The following NXT1 variants were observed in gnomAD, a reference collection of about 807,000 sequenced individuals.
NXT1 encodes the protein NTF2-related export protein 1.
A neutral mutation model predicts 9.9 loss-of-function variants in NXT1; 3 were observed. That is an observed-to-expected ratio of 0.30 (90% CI 0.14 to 0.79). NXT1 has a LOEUF of 0.79. Ranked by LOEUF, NXT1 falls within the 30% of genes least tolerant of loss-of-function variation. NXT1 has a pLI of 0.63. For missense variants in NXT1, 91 were observed against 178.2 expected (o/e 0.51, Z 2.79); for synonymous variants, 53 against 66.5 (o/e 0.80, Z 0.99).
Position 23,354,275 on chromosome 20 carries a change from G to C in NXT1, c.234G>C (p.Gln78His), listed in dbSNP as rs1186968195. 1.2e-6 allele frequency: 2 copies of C among 1,614,196 alleles called. No homozygotes were observed. The highest frequency in any genetic ancestry group is 1.7e-6 in the Non-Finnish European group (2 of 1,180,042). The change falls in exon 2 of 2, where the codon CAG becomes CAC. Residue 78 changes from glutamine (Q) to histidine (H), a missense_variant. Physicochemically the swap from Gln to His is conservative, Grantham distance 24. Transcript: ENST00000254998. ...SEFQISVVDC[Q>H]PVHDEATPSQ... ...TCCAAATCAGCGTGGTAGACTGCCA[G>C]CCTGTTCATGATGAAGCCACACCAA...
intron 1 of NXT1, among the ~76,000 whole-genome samples, chr20:23,353,416 T>C (rs1443059557): frequency 1.3e-5 from 2 of 152,188 alleles, no homozygotes; most frequent in Non-Finnish European, 2.9e-5. Context: ...GGTCAGGAGT[T>C]TGAGACCAGA....
At position 23,354,253 on chromosome 20, in the gene NXT1, A is replaced by C. The variant is rs1234577574; in HGVS notation, c.212A>C (p.Gln71Pro). ...GAAATGTTGCCTTCCAGCGAGTTCC[A>C]AATCAGCGTGGTAGACTGCCAGCCT... ...FFEMLPSSEFQISVVDCQPVH... is the reference protein window; with the variant it reads ...FFEMLPSSEFPISVVDCQPVH... The change falls in exon 2 of 2, where the codon CAA (glutamine) becomes CCA (proline). Residue 71 changes from glutamine to proline, a missense_variant. By Grantham distance (76) the Gln-to-Pro change is moderately conservative (BLOSUM62 -1). Coordinates refer to ENST00000254998, the MANE Select transcript of NXT1 (RefSeq NM_013248.3). 1 of 1,614,188 alleles carries C rather than the reference A, an allele frequency of 6.2e-7. No homozygotes were observed.
intron 1 of NXT1, among the ~76,000 whole-genome samples, chr20:23,351,989 G>T (rs1316461727): frequency 6.6e-6 from 1 of 152,168 alleles, no homozygotes; most frequent in Admixed American, 6.5e-5. Flanking sequence ...GCGTGGGGTG[G>T]ATTCAACCAA....
intron 1 of NXT1, among the ~76,000 whole-genome samples, chr20:23,351,970 G>T (rs1045231452): frequency 7.9e-5 from 12 of 152,168 alleles, no homozygotes; most frequent in Admixed American, 5.9e-4. Context: ...CTTCTTAGTC[G>T]TGGGTTCCGC....
In NXT1 at chr20:23,354,133, G is replaced by A; in HGVS notation, c.92G>A (p.Arg31Gln). 1 of 1,614,134 alleles carries A rather than the reference G, an allele frequency of 6.2e-7. No individual in the cohort carries two copies. Residue 31 changes from arginine (R) to glutamine (Q), a missense_variant, in exon 2 of 2, where the codon CGG becomes CAG. Arg to Gln is a conservative substitution (Grantham distance 43). Coordinates refer to ENST00000254998, the MANE Select transcript of NXT1 (RefSeq NM_013248.3). Reference sequence around the variant, plus strand: ...GTCTACTACACCACCATGGATAAGCGGCGGCGTTTGCTGTCCCGCCTGTAC... The same window carrying A: ...GTCTACTACACCACCATGGATAAGCAGCGGCGTTTGCTGTCCCGCCTGTAC... ...VNVYYTTMDK[R>Q]RRLLSRLYMG...
At position 23,354,231 on chromosome 20, in the gene NXT1, A is replaced by G; in HGVS notation, c.190A>G (p.Met64Val). 6.2e-7 allele frequency: 1 copy of G among 1,614,178 alleles called. No homozygotes were observed. Among genetic ancestry groups the G allele is most frequent in the South Asian group, 1.1e-5 (1 of 91,086 alleles). The change falls in exon 2 of 2, where the codon ATG becomes GTG. Residue 64 changes from methionine to valine, a missense_variant. By Grantham distance (21) the Met-to-Val change is conservative. Transcript: ENST00000254998. ...AGAATCCTTGAGTGAGTTTTTTGAAATGTTGCCTTCCAGCGAGTTCCAAAT... is the reference window on the plus strand; with the variant it reads ...AGAATCCTTGAGTGAGTTTTTTGAAGTGTTGCCTTCCAGCGAGTTCCAAAT... Reference protein sequence around the residue: ...GQESLSEFFEMLPSSEFQISV... With the variant: ...GQESLSEFFEVLPSSEFQISV...
chr20:23,352,665 C>T (rs1274140023), intron 1 of NXT1, among the ~76,000 whole-genome samples: 8 of 151,906 alleles, frequency 5.3e-5, no homozygotes, highest in African/African-American at 1.9e-4. Flanking sequence ...AACAGTTGTA[C>T]CTGTACCCTG....
At chr20:23,353,913 G>A (rs759039035) in intron 1 of NXT1, 68 bp from the exon 2 acceptor site, 46 of 867,976 alleles carry the variant, frequency 5.3e-5, no homozygotes, top group Non-Finnish European at 7.9e-5. Flanking sequence ...AAGGAGGAAT[G>A]TTCCATTGTC....
rs933581339 is a variant in NXT1, at chr20:23,354,769, C to T, written c.*305C>T. Reference sequence around the variant, plus strand: ...TAATTTAATAATACACATGTTGCTTCTTTCCCTGTCTGATGTGTTTGACCA... The same window carrying T: ...TAATTTAATAATACACATGTTGCTTTTTTCCCTGTCTGATGTGTTTGACCA... On this transcript the variant is annotated 3_prime_UTR_variant, in exon 2 of 2. Coordinates refer to ENST00000254998, the MANE Select transcript of NXT1 (RefSeq NM_013248.3). 2.8e-6 allele frequency: 1 copy of T among 355,100 alleles called. No individual in the cohort carries two copies. Among genetic ancestry groups the T allele is most frequent in the Non-Finnish European group, 5.4e-6 (1 of 184,196 alleles). The allele number at this position is 355,100 out of a possible 1,614,324, so 22.0% of individuals were successfully genotyped here.
rs750903220 is a variant in NXT1, at chr20:23,354,466, G to T, written c.*2G>T. The T allele has an allele frequency of 1.2e-6, 2 of 1,609,166 alleles. No homozygotes were observed. The highest frequency in any genetic ancestry group is 2.3e-5 in the East Asian group (1 of 44,390). ...CGCTTCCAGGACTGGGCCAGCTAGT[G>T]GGGGTGGCAGAGGTCTCTTTGCTTC... On this transcript the variant is annotated 3_prime_UTR_variant, in exon 2 of 2. Coordinates refer to ENST00000254998, the MANE Select transcript of NXT1 (RefSeq NM_013248.3).
chr20:23,352,113 A>C (rs1036424926), intron 1 of NXT1, among the ~76,000 whole-genome samples: 5 of 152,200 alleles, frequency 3.3e-5, no homozygotes, highest in Admixed American at 6.5e-5. Context: ...AACTATTTAC[A>C]TCCCATCTAC....
chr20:23,353,236 C>A (rs2122996426), intron 1 of NXT1, among the ~76,000 whole-genome samples: 1 of 152,324 alleles, frequency 6.6e-6, no homozygotes, highest in Middle Eastern at 3.4e-3. Context: ...GTGGTCCAAT[C>A]AGGCCTCCTT....
At chr20:23,353,353 C>T (rs1480671372) in intron 1 of NXT1, among the ~76,000 whole-genome samples, 1 of 152,242 alleles carries the variant, frequency 6.6e-6, no homozygotes, top group East Asian at 1.9e-4. Flanking sequence ...GGCATGGTGG[C>T]TCATGCCTGT....
intron 1 of NXT1, 63 bp from the exon 2 acceptor site, chr20:23,353,918 A>C: frequency 2.2e-6 from 2 of 907,074 alleles, no homozygotes; most frequent in South Asian, 3.2e-5. Context: ...GGAATGTTCC[A>C]TTGTCAGGGC....
chr20:23,354,346 A>T lies in NXT1; in HGVS notation c.305A>T (p.Glu102Val). ...LVVICGSVKF[E>V]GNKQRDFNQN... ...GTCATCTGTGGATCAGTGAAGTTTG[A>T]GGGGAACAAACAACGGGACTTCAAC... The change falls in exon 2 of 2, where the codon GAG becomes GTG. Residue 102 changes from glutamate to valine, a missense_variant. Coordinates refer to ENST00000254998, the MANE Select transcript of NXT1 (RefSeq NM_013248.3). The T allele has an allele frequency of 6.2e-7, 1 of 1,614,164 alleles. No individual in the cohort carries two copies. Among genetic ancestry groups the T allele is most frequent in the South Asian group, 1.1e-5 (1 of 91,080 alleles).
chr20:23,354,410 C>T lies in NXT1; in HGVS notation c.369C>T (p.Asn123=), dbSNP rs752356769. Reference sequence around the variant, plus strand: ...TGACCGCCCAGGCCTCACCCAGCAACACAGTGTGGAAGATCGCAAGTGACT... The same window carrying T: ...TGACCGCCCAGGCCTCACCCAGCAATACAGTGTGGAAGATCGCAAGTGACT... ...FILTAQASPS[N]TVWKIASDCF... is the part of the protein sequence containing the mutation. The change falls in exon 2 of 2, where the codon AAC becomes AAT. Residue 123 remains asparagine (N), a synonymous_variant. Transcript: ENST00000254998. The T allele has an allele frequency of 1.9e-6, 3 of 1,614,176 alleles. No individual in the cohort carries two copies. The highest frequency in any genetic ancestry group is 3.3e-5 in the Admixed American group (2 of 60,028).
At position 23,354,245 on chromosome 20, in the gene NXT1, C is replaced by T. The variant is rs750396521; in HGVS notation, c.204C>T (p.Ser68=). ...AGTTTTTTGAAATGTTGCCTTCCAG[C>T]GAGTTCCAAATCAGCGTGGTAGACT... The part of the protein sequence containing the change: ...LSEFFEMLPS[S]EFQISVVDCQ... The change falls in exon 2 of 2, where the codon AGC becomes AGT. Residue 68 remains serine, a synonymous_variant. Transcript: ENST00000254998. 5.0e-6 allele frequency: 8 copies of T among 1,614,042 alleles called. No individual in the cohort carries two copies. Among genetic ancestry groups the T allele is most frequent in the African/African-American group, 1.3e-5 (1 of 74,904 alleles).
chr20:23,352,305 G>T (rs1303604317), intron 1 of NXT1, among the ~76,000 whole-genome samples: 2 of 152,170 alleles, frequency 1.3e-5, no homozygotes, highest in Non-Finnish European at 2.9e-5. Context: ...ACTCAGTCCA[G>T]AGTACAGTTG....
chr20:23,354,405 A>G lies in NXT1; in HGVS notation c.364A>G (p.Ser122Gly), dbSNP rs568222613. The G allele has an allele frequency of 8.7e-6, 14 of 1,614,194 alleles. No homozygotes were observed. In the South Asian group the frequency reaches 1.2e-4, roughly 14 times the overall value. The change falls in exon 2 of 2, where the codon AGC becomes GGC. Residue 122 changes from serine to glycine, a missense_variant. By Grantham distance (56) the Ser-to-Gly change is moderately conservative. Coordinates refer to ENST00000254998, the MANE Select transcript of NXT1 (RefSeq NM_013248.3). ...CATCCTGACCGCCCAGGCCTCACCC[A>G]GCAACACAGTGTGGAAGATCGCAAG... is the stretch of plus-strand genomic sequence containing the variant. ...NFILTAQASP[S>G]NTVWKIASDC... is the part of the protein sequence containing the mutation.
Sources: allele counts gnomAD v4.1 joint callset (sites outside exome capture counted in the v4.1 genomes callset), GRCh38; gene constraint gnomAD v4.1.1; transcripts MANE v1.5; gene names NCBI Gene and HGNC (gene_info 2026-07-23, HGNC 2026-07-21).